The following TAS1R2 variants were observed in gnomAD, a reference collection of about 807,000 sequenced individuals.
TAS1R2 encodes the protein taste receptor type 1 member 2.
A neutral mutation model predicts 49.3 loss-of-function variants in TAS1R2; 47 were observed. The ratio of observed to expected loss-of-function variants is 0.95; its 90% CI spans 0.75 to 1.22. The LOEUF is 1.22. Ranked by LOEUF, TAS1R2 falls within the 50% of genes most tolerant of loss-of-function variation. The probability of loss-of-function intolerance (pLI) is 0.00; values close to 1 mark genes in which losing one functional copy is unlikely to be tolerated. For missense variants in TAS1R2, 1,155 were observed against 1,122.1 expected (o/e 1.03, Z -0.42); for synonymous variants, 479 against 467.9 (o/e 1.02, Z -0.31).
At chr1:18,841,614 A>C (rs1569657112) in intron 5 of TAS1R2, 115 bp downstream of exon 5, 1 of 1,427,466 alleles carries the variant, frequency 7.0e-7, no homozygotes, top group East Asian at 2.4e-5. Flanking sequence ...GGACACTCAC[A>C]CCCCCTGTGG....
At position 18,854,765 on chromosome 1, in the gene TAS1R2, G is replaced by A. The variant is rs765853397; in HGVS notation, c.705C>T (p.Ala235=). The change falls in exon 3 of 6, where the codon GCC becomes GCT. Residue 235 remains alanine, a synonymous_variant. Coordinates refer to ENST00000375371, the Ensembl canonical transcript of TAS1R2. The surrounding 1 kb of genome is among the most constrained non-coding windows in gnomAD (Gnocchi z 4.9). ...GCAGTGTGGGCAGCGTCTCCTGGAA[G>A]GCGATGCAGATGTCGCGCCGGGCCA... 17 of 1,609,700 alleles carry A rather than the reference G, an allele frequency of 1.1e-5. No homozygotes were observed. Among genetic ancestry groups the A allele is most frequent in the Non-Finnish European group, 1.4e-5 (16 of 1,179,522 alleles).
At chr1:18,844,126 AAGCTTTT>A in intron 4 of TAS1R2, among the ~76,000 whole-genome samples, 1 of 152,356 alleles carries the variant, frequency 6.6e-6, no homozygotes, top group Admixed American at 6.5e-5. Context: ...CAGGGATACA[AAGCTTTT>A]TTCAGGGTGA....
chr1:18,843,520 G>A (rs1193106493), intron 4 of TAS1R2, among the ~76,000 whole-genome samples: 3 of 152,200 alleles, frequency 2.0e-5, no homozygotes, highest in Non-Finnish European at 2.9e-5. Flanking sequence ...ACTGCAACCC[G>A]TTTATCAGGT....
At chr1:18,841,102 C>T (rs1366771550) in intron 5 of TAS1R2, among the ~76,000 whole-genome samples, 1 of 152,218 alleles carries the variant, frequency 6.6e-6, no homozygotes, top group African/African-American at 2.4e-5. Context: ...TGGTAAATGT[C>T]ATCATCCATT....
In TAS1R2 at chr1:18,854,273, C is replaced by T. The variant is rs749829852; in HGVS notation, c.1197G>A (p.Leu399=). Residue 399 remains leucine, a synonymous_variant, in exon 3 of 6, where the codon CTG becomes CTA. Coordinates refer to ENST00000375371, the Ensembl canonical transcript of TAS1R2. The surrounding 1 kb of genome is among the most constrained non-coding windows in gnomAD (Gnocchi z 4.9). ...TTTTGTCACAGCCGAGGAGGCTGTG[C>T]AGGGCATGGGCCACAGCATAGACCG... 1.2e-6 allele frequency: 2 copies of T among 1,614,058 alleles called. No homozygotes were observed. The highest frequency in any genetic ancestry group is 1.7e-6 in the Non-Finnish European group (2 of 1,180,028).
chr1:18,849,024 TG>T (rs1933972512), intron 4 of TAS1R2, among the ~76,000 whole-genome samples: 1 of 152,176 alleles, frequency 6.6e-6, no homozygotes, highest in Non-Finnish European at 1.5e-5. Flanking sequence ...CCAAAAAGGT[TG>T]GGGACCACTG....
At chr1:18,859,541 G>T in exon 1 of TAS1R2, 1 of 1,614,234 alleles carries the variant, frequency 6.2e-7, no homozygotes, top group Non-Finnish European at 8.5e-7. Flanking sequence ...TGGCATGGAG[G>T]GAGAAGAGGC....
At chr1:18,857,362 G>T in exon 2 of TAS1R2, 1 of 1,614,100 alleles carries the variant, frequency 6.2e-7, no homozygotes. Flanking sequence ...GAGGAAGTTG[G>T]CCACAGTCAT....
chr1:18,845,384 GTGT>G (rs1933900812), intron 4 of TAS1R2, among the ~76,000 whole-genome samples: 1 of 152,208 alleles, frequency 6.6e-6, no homozygotes, highest in African/African-American at 2.4e-5. Context: ...CTTGTGTATA[GTGT>G]TGTGGCCTCA....
chr1:18,857,309 C>T, intron 2 of TAS1R2, 22 bp downstream of exon 2: 1 of 1,605,546 alleles, frequency 6.2e-7, no homozygotes, highest in Non-Finnish European at 8.5e-7. Context: ...CCAGGTCCTT[C>T]TCCAGGGCCC....
At chr1:18,851,155 G>T (rs917039760) in intron 3 of TAS1R2, among the ~76,000 whole-genome samples, 1 of 152,078 alleles carries the variant, frequency 6.6e-6, no homozygotes. Context: ...TACAATGTAC[G>T]AACAGGTGGG....
intron 1 of TAS1R2, among the ~76,000 whole-genome samples, chr1:18,858,000 C>A (rs1338462862): frequency 1.3e-5 from 2 of 151,446 alleles, no homozygotes; most frequent in African/African-American, 4.9e-5. Context: ...ATATCACCAC[C>A]AGGGCCATCA....
rs137857664 is a variant in TAS1R2, at chr1:18,858,973, C to A, written c.182+506G>T. On this transcript the variant is annotated intron_variant, in intron 1 of 5. Transcript: ENST00000375371. Reference sequence around the variant, plus strand: ...CTTGCATGCAGATGCACACAGCCCCCACAATCTCCAAGTGATGCTGCCACC... The same window carrying A: ...CTTGCATGCAGATGCACACAGCCCCAACAATCTCCAAGTGATGCTGCCACC... Among the ~76,000 whole-genome samples the A allele has an allele frequency of 3.9e-3, 599 of 152,322 alleles. 3 individuals carry two copies. The highest frequency in any genetic ancestry group is 0.014 in the African/African-American group (565 of 41,580).
At chr1:18,857,240 T>A in intron 2 of TAS1R2, 91 bp downstream of exon 2, 1 of 1,378,162 alleles carries the variant, frequency 7.3e-7, no homozygotes, top group Non-Finnish European at 9.9e-7. Flanking sequence ...TCACCTCCCA[T>A]GATTGATGGA....
Position 18,854,163 on chromosome 1 carries a change from GGGA to G in TAS1R2, c.1257+47_1257+49del. 1 of 1,567,554 alleles carries G rather than the reference GGGA, an allele frequency of 6.4e-7. No homozygotes were observed. The highest frequency in any genetic ancestry group is 8.7e-7 in the Non-Finnish European group (1 of 1,150,356). On this transcript the variant is annotated intron_variant, in intron 3 of 5. Coordinates refer to ENST00000375371, the Ensembl canonical transcript of TAS1R2. The surrounding 1 kb of genome is among the most constrained non-coding windows in gnomAD (Gnocchi z 4.9). Reference sequence around the variant, plus strand: ...CACACCCATTTGCCCAGAACCCCAGGGGAGGAGGATGGAGGTGCCCTGCAGACT... The same window carrying G: ...CACACCCATTTGCCCAGAACCCCAGGGGAGGATGGAGGTGCCCTGCAGACT...
chr1:18,859,592 C>A (rs767234529), exon 1 of TAS1R2: 2 of 1,614,218 alleles, frequency 1.2e-6, no homozygotes, highest in Non-Finnish European at 1.7e-6. Flanking sequence ...AGTCCGAGTT[C>A]TCAGCCGGCT....
exon 6 of TAS1R2, chr1:18,839,748 C>T (rs773974393): frequency 3.7e-6 from 6 of 1,614,074 alleles, no homozygotes; most frequent in African/African-American, 2.7e-5. Context: ...AAGAGGTCCA[C>T]GATGGTGACC....
At chr1:18,855,764 C>G (rs930061941) in intron 2 of TAS1R2, among the ~76,000 whole-genome samples, 3 of 152,198 alleles carry the variant, frequency 2.0e-5, no homozygotes, top group African/African-American at 7.2e-5. Flanking sequence ...TCCATCCACA[C>G]CCTCCCCCAT....
At position 18,840,634 on chromosome 1, in the gene TAS1R2, G is replaced by A. The variant is rs903539309; in HGVS notation, c.1592-107C>T. The A allele has an allele frequency of 1.7e-5, 20 of 1,201,288 alleles. No homozygotes were observed. In the African/African-American group the frequency reaches 2.9e-4, roughly 17 times the overall value. The allele number at this position is 1,201,288 out of a possible 1,614,324, so 74.4% of individuals were successfully genotyped here. On this transcript the variant is annotated intron_variant, in intron 5 of 5. Transcript: ENST00000375371. The stretch of plus-strand genomic sequence containing the variant: ...TCCAGGGATGAAGAGAGAGCACCAA[G>A]GGCAACCCTTGCATTCACAGCCAGT...
Sources: allele counts gnomAD v4.1 joint callset (sites outside exome capture counted in the v4.1 genomes callset), GRCh38; gene constraint gnomAD v4.1.1; non-coding constraint Gnocchi (gnomAD v3.1); transcripts MANE v1.5; gene names NCBI Gene and HGNC (gene_info 2026-07-23, HGNC 2026-07-21).